The following WDR7 variants were observed in gnomAD, a reference collection of about 807,000 sequenced individuals.
The protein encoded by WDR7 is WD repeat-containing protein 7.
In WDR7, 46 loss-of-function variants were observed where a neutral mutation model predicts 169.4. The observed-to-expected ratio is 0.27, with a 90% CI of 0.21 to 0.35. The LOEUF is 0.35. Among genes scored for constraint, WDR7 ranks in the 10% least tolerant of loss-of-function variants. The pLI is 1.00. For missense variants in WDR7, 1,534 were observed against 1,859.3 expected (o/e 0.83, Z 3.22); for synonymous variants, 612 against 666.8 (o/e 0.92, Z 1.27).
At chr18:57,004,435 A>G (rs2048027078) in intron 26 of WDR7, among the ~76,000 whole-genome samples, 1 of 152,128 alleles carries the variant, frequency 6.6e-6, no homozygotes, top group South Asian at 2.1e-4. Flanking sequence ...AACTGGCACT[A>G]TAAATTCTAC....
At chr18:56,906,556 T>G (rs1420264973) in intron 21 of WDR7, among the ~76,000 whole-genome samples, 1 of 151,224 alleles carries the variant, frequency 6.6e-6, no homozygotes. Flanking sequence ...TTTTTTTTTT[T>G]TTTTGAGATG....
intron 26 of WDR7, among the ~76,000 whole-genome samples, chr18:56,989,486 T>C (rs1440795970): frequency 6.6e-6 from 1 of 152,168 alleles, no homozygotes; most frequent in Non-Finnish European, 1.5e-5. Context: ...AAAATTCTTC[T>C]TAGTACAACT....
chr18:56,731,359 T>C, intron 13 of WDR7, 24 bp from the exon 14 acceptor site: 2 of 1,607,154 alleles, frequency 1.2e-6, no homozygotes, highest in Non-Finnish European at 1.7e-6. Flanking sequence ...TTATGAAATA[T>C]TTGTGAATAT....
chr18:56,662,517 A>T (rs933024571), intron 1 of WDR7, among the ~76,000 whole-genome samples: 1 of 152,224 alleles, frequency 6.6e-6, no homozygotes, highest in Non-Finnish European at 1.5e-5. Context: ...TCTGAATCAA[A>T]TGGTCGAAGG....
chr18:56,937,103 T>G (rs1324280846), intron 23 of WDR7, among the ~76,000 whole-genome samples: 1 of 152,176 alleles, frequency 6.6e-6, no homozygotes. Flanking sequence ...CAAACTTCAT[T>G]TGCACCATTT....
At chr18:56,743,148 G>A (rs2043645788) in intron 14 of WDR7, among the ~76,000 whole-genome samples, 1 of 152,172 alleles carries the variant, frequency 6.6e-6, no homozygotes, top group East Asian at 1.9e-4. Context: ...AGAATAGAAA[G>A]TAGCTCTATC....
chr18:56,823,538 A>G (rs113638874), intron 20 of WDR7, among the ~76,000 whole-genome samples: 8,694 of 152,214 alleles, frequency 0.057, 329 homozygotes, highest in Non-Finnish European at 0.081. Flanking sequence ...GTGAGCTGAG[A>G]TCACATCCCT....
At chr18:57,026,615 A>T (rs1244184453) in intron 27 of WDR7, among the ~76,000 whole-genome samples, 1 of 152,218 alleles carries the variant, frequency 6.6e-6, no homozygotes, top group Non-Finnish European at 1.5e-5. Flanking sequence ...TCGCTGACTC[A>T]TCCTTCAGGG....
chr18:56,709,056 A>T (rs2026026131), intron 12 of WDR7, among the ~76,000 whole-genome samples: 1 of 152,362 alleles, frequency 6.6e-6, no homozygotes, highest in African/African-American at 2.4e-5. Flanking sequence ...GCATTTTAAT[A>T]TTTTAAAGGC....
chr18:56,752,977 T>C (rs933214995), intron 14 of WDR7, among the ~76,000 whole-genome samples: 1 of 152,192 alleles, frequency 6.6e-6, no homozygotes, highest in South Asian at 2.1e-4. Context: ...GCAGAAGTTA[T>C]AGGGATTGTG....
rs1416126897 is a variant in WDR7 at position 56,872,162 on chromosome 18, C to T, written c.3305-7782C>T. Among the ~76,000 whole-genome samples, 5 of 152,218 alleles carry T rather than the reference C, an allele frequency of 3.3e-5. No homozygotes were observed. The East Asian group carries it at 9.6e-4, about 29-fold the overall frequency. Reference sequence around the variant, plus strand: ...ACCGCCTTTAGCCTTAATTCAAATCCATTGATTCCTATTCCAGTTAAAACT... The same window carrying T: ...ACCGCCTTTAGCCTTAATTCAAATCTATTGATTCCTATTCCAGTTAAAACT... On this transcript the variant is annotated intron_variant, in intron 20 of 27. Coordinates refer to ENST00000254442, the MANE Select transcript of WDR7 (RefSeq NM_015285.3).
intron 26 of WDR7, among the ~76,000 whole-genome samples, chr18:56,980,677 G>GT (rs775486522): frequency 2.6e-5 from 4 of 152,250 alleles, no homozygotes; most frequent in Non-Finnish European, 4.4e-5. Flanking sequence ...TCCAACCTTT[G>GT]TAAGAAAGTG....
At position 56,805,644 on chromosome 18, in the gene WDR7, A is replaced by G. The variant is rs200953673; in HGVS notation, c.3191-10387A>G. 1.4e-3 allele frequency among the ~76,000 whole-genome samples: 213 copies of G among 151,764 alleles called. 3 individuals carry two copies. The highest frequency in any genetic ancestry group is 4.6e-3 in the East Asian group (24 of 5,176). ...ACTATTCTGATGACCAGAAAGAGAA[A>G]TCATAGGATTTTTTTTTTTTTTACT... is the stretch of plus-strand genomic sequence containing the variant. On this transcript the variant is annotated intron_variant, in intron 19 of 27. Coordinates refer to ENST00000254442, the MANE Select transcript of WDR7 (RefSeq NM_015285.3).
intron 3 of WDR7, 149 bp from the exon 4 acceptor site, chr18:56,681,164 G>A (rs1041603906): frequency 3.2e-6 from 2 of 627,262 alleles, no homozygotes; most frequent in Non-Finnish European, 5.4e-6. Flanking sequence ...GGGAGGACTG[G>A]AAATTTTGAT....
At chr18:56,848,515 TA>T (rs2045597917) in intron 20 of WDR7, among the ~76,000 whole-genome samples, 2 of 152,022 alleles carry the variant, frequency 1.3e-5, no homozygotes, top group South Asian at 4.2e-4. Flanking sequence ...GACATAAGAT[TA>T]GGGGGCCAGG....
intron 14 of WDR7, among the ~76,000 whole-genome samples, chr18:56,749,465 T>C (rs1231774435): frequency 1.3e-5 from 2 of 151,892 alleles, no homozygotes; most frequent in African/African-American, 2.4e-5. Context: ...TAATCTCTGC[T>C]TTCAAAGGAG....
chr18:57,034,394 T>C (rs1169178909), downstream of WDR7: 1 of 151,976 alleles, frequency 6.6e-6, no homozygotes, highest in South Asian at 2.1e-4. Context: ...CCGAGAACAC[T>C]GCTCCATAAA....
chr18:56,658,858 G>A (rs557787854), intron 1 of WDR7, among the ~76,000 whole-genome samples: 82 of 152,018 alleles, frequency 5.4e-4, no homozygotes, highest in African/African-American at 1.3e-3. Flanking sequence ...GACTACAGGC[G>A]TGCACCACTG....
At chr18:56,887,842 C>A (rs117165919) in intron 21 of WDR7, among the ~76,000 whole-genome samples, 15 of 152,076 alleles carry the variant, frequency 9.9e-5, no homozygotes, top group African/African-American at 3.6e-4. Context: ...CTCTGTCTTA[C>A]GTGTACTCTT....
Sources: allele counts gnomAD v4.1 joint callset (sites outside exome capture counted in the v4.1 genomes callset), GRCh38; gene constraint gnomAD v4.1.1; transcripts MANE v1.5; gene names NCBI Gene and HGNC (gene_info 2026-07-23, HGNC 2026-07-21).